The following FXR2 variants were observed in gnomAD, a reference collection of about 807,000 sequenced individuals.
The protein encoded by FXR2 is FMR1 autosomal homolog 2.
FXR2 carries 9 observed loss-of-function variants against 87.3 expected under a neutral mutation model. The observed-to-expected ratio is 0.10, with a 90% CI of 0.06 to 0.18. The LOEUF (loss-of-function observed/expected upper bound fraction) is 0.18. Ranked by LOEUF, FXR2 falls within the 10% of genes least tolerant of loss-of-function variation. FXR2 has a pLI of 1.00. For missense variants in FXR2, 661 were observed against 893.6 expected (o/e 0.74, Z 3.32); for synonymous variants, 331 against 328.3 (o/e 1.01, Z -0.09).
chr17:7,614,145 T>C, intron 1 of FXR2: 1 of 602,892 alleles, frequency 1.7e-6, no homozygotes, highest in South Asian at 1.5e-5. Flanking sequence ...ACACAGTCAA[T>C]TAGAAGCTGG....
In FXR2 at chr17:7,591,836, A is replaced by G. The variant is rs781511090; in HGVS notation, c.2016T>C (p.Val672=). 1 of 1,536,472 alleles carries G rather than the reference A, an allele frequency of 6.5e-7. No homozygotes were observed. The highest frequency in any genetic ancestry group is 2.2e-5 in the East Asian group (1 of 44,504). Residue 672 remains valine (V), a synonymous_variant, in exon 17 of 17, where the codon GTT becomes GTC. Transcript: ENST00000250113. The surrounding 1 kb of genome is among the most constrained non-coding windows in gnomAD (Gnocchi z 4.0). ...PLELGSMVNG[V]S ...GGGGTGCAGGTTGGAGGTTTTATGA[A>G]ACCCCATTCACCATACTACCCAACT...
intron 1 of FXR2, among the ~76,000 whole-genome samples, chr17:7,611,581 T>C (rs1264617124): frequency 6.6e-6 from 1 of 151,750 alleles, no homozygotes; most frequent in African/African-American, 2.4e-5. Context: ...GGCACAAGAA[T>C]CACTTGAACC....
Position 7,593,018 on chromosome 17 carries a change from G to A in FXR2, c.1494C>T (p.Pro498=), listed in dbSNP as rs1392721162. The change falls in exon 13 of 17, where the codon CCC becomes CCT. Residue 498 remains proline (P), a synonymous_variant. Transcript: ENST00000250113. This position sits in a 1 kb window ranked among gnomAD's most constrained non-coding sequence, Gnocchi z 6.1. ...RGRGPPPAPR[P]TSRYNSSSIS... is the part of the protein sequence containing the mutation. ...TAGATGAAGAATTGTATCTCGAAGT[G>A]GGCCGGGGGGCAGGTGGGGGTCCCC... 11 of 1,575,888 alleles carry A rather than the reference G, an allele frequency of 7.0e-6. No individual in the cohort carries two copies. The highest frequency in any genetic ancestry group is 8.6e-6 in the Non-Finnish European group (10 of 1,163,924).
rs1254746132 is a variant in FXR2 at position 7,591,765 on chromosome 17, C to A, written c.*65G>T. 4 of 907,760 alleles carry A rather than the reference C, an allele frequency of 4.4e-6. No homozygotes were observed. The highest frequency in any genetic ancestry group is 5.5e-6 in the Non-Finnish European group (3 of 544,090). 56.2% of individuals were successfully genotyped at this position (907,760 alleles called of 1,614,324 possible). ...GCAGCTCCAGCGCAGGTCAGTTGGG[C>A]CTGTGAGGGCCATGGTGTTGGGCAG... is the stretch of plus-strand genomic sequence containing the variant. On this transcript the variant is annotated 3_prime_UTR_variant, in exon 17 of 17. Transcript: ENST00000250113. The surrounding 1 kb of genome is among the most constrained non-coding windows in gnomAD (Gnocchi z 4.0).
At chr17:7,602,567 C>CA (rs59331217) in intron 6 of FXR2, among the ~76,000 whole-genome samples, 6,523 of 123,390 alleles carry the variant, frequency 0.053, 456 homozygotes, top group African/African-American at 0.18. Context: ...GATTCCATCT[C>CA]AAAAAAAAAA....
At chr17:7,602,112 G>A (rs2071761686) in intron 6 of FXR2, among the ~76,000 whole-genome samples, 1 of 150,892 alleles carries the variant, frequency 6.6e-6, no homozygotes, top group African/African-American at 2.4e-5. Context: ...ATGGCAACAT[G>A]ATTATCAGGT....
Position 7,594,353 on chromosome 17 carries a change from A to G in FXR2, c.911-6T>C, listed in dbSNP as rs2071691070. On this transcript the variant is annotated splice_region_variant and splice_polypyrimidine_tract_variant and intron_variant, in intron 9 of 16. Coordinates refer to ENST00000250113, the MANE Select transcript of FXR2 (RefSeq NM_004860.4). The surrounding 1 kb of genome is among the most constrained non-coding windows in gnomAD (Gnocchi z 5.1). The stretch of plus-strand genomic sequence containing the variant: ...GTTCTTTCCAATCACTTTGCCTGGA[A>G]TAGGTAAATGAGGAATTCAGCCTTT... 6.4e-7 allele frequency: 1 copy of G among 1,550,402 alleles called. No individual in the cohort carries two copies. Among genetic ancestry groups the G allele is most frequent in the Admixed American group, 1.7e-5 (1 of 59,798 alleles).
At chr17:7,611,856 T>C (rs539511787) in intron 1 of FXR2, among the ~76,000 whole-genome samples, 2 of 152,248 alleles carry the variant, frequency 1.3e-5, no homozygotes, top group South Asian at 2.1e-4. Context: ...ATCTGTAGGG[T>C]ACTGAGAGTG....
In FXR2 at chr17:7,595,315, A is replaced by G. The variant is rs763740907; in HGVS notation, c.831+509T>C. ...ATTTTTTGGTCTCACTCTATTGACTATGTTGCCCAGGTTGGTTCAGTGGCA... is the reference window on the plus strand; with the variant it reads ...ATTTTTTGGTCTCACTCTATTGACTGTGTTGCCCAGGTTGGTTCAGTGGCA... On this transcript the variant is annotated intron_variant, in intron 8 of 16. Transcript: ENST00000250113. This position sits in a 1 kb window ranked among gnomAD's most constrained non-coding sequence, Gnocchi z 4.7. 5.3e-5 allele frequency among the ~76,000 whole-genome samples: 8 copies of G among 151,962 alleles called. No homozygotes were observed. Among genetic ancestry groups the G allele is most frequent in the Admixed American group, 1.3e-4 (2 of 15,242 alleles).
intron 7 of FXR2, among the ~76,000 whole-genome samples, chr17:7,599,201 A>T (rs750825222): frequency 6.6e-6 from 1 of 151,552 alleles, no homozygotes; most frequent in Non-Finnish European, 1.5e-5. Context: ...CCAAAGGCTG[A>T]GGTGAGAGGA....
At position 7,592,235 on chromosome 17, in the gene FXR2, G is replaced by A. The variant is rs768614135; in HGVS notation, c.1926+19C>T. ...AACAACAAAAAAGGGATGGGGTAAA[G>A]CACATCTTGCCTGCCTACCTTCTGT... On this transcript the variant is annotated intron_variant, in intron 16 of 16. Transcript: ENST00000250113. The surrounding 1 kb of genome is among the most constrained non-coding windows in gnomAD (Gnocchi z 4.8). 4 of 1,578,344 alleles carry A rather than the reference G, an allele frequency of 2.5e-6. No individual in the cohort carries two copies. The highest frequency in any genetic ancestry group is 1.7e-5 in the Admixed American group (1 of 59,784).
Position 7,593,667 on chromosome 17 carries a change from A to T in FXR2, c.1108-42T>A. On this transcript the variant is annotated intron_variant, in intron 11 of 16. Transcript: ENST00000250113. This position sits in a 1 kb window ranked among gnomAD's most constrained non-coding sequence, Gnocchi z 6.1. ...TGGAAGAAGGGGAAGGAGAAATAAG[A>T]TCAGTGCCTTGCTTCATGCTTCTGC... 7.4e-7 allele frequency: 1 copy of T among 1,344,030 alleles called. No individual in the cohort carries two copies. The highest frequency in any genetic ancestry group is 1.0e-6 in the Non-Finnish European group (1 of 962,430). The allele number at this position is 1,344,030 out of a possible 1,614,324, so 83.3% of individuals were successfully genotyped here.
At position 7,614,536 on chromosome 17, in the gene FXR2, G is replaced by T; in HGVS notation, c.-4C>A. 1 of 1,472,118 alleles carries T rather than the reference G, an allele frequency of 6.8e-7. No homozygotes were observed. 91.2% of individuals were successfully genotyped at this position (1,472,118 alleles called of 1,614,324 possible). A position where few individuals can be genotyped will look rare whatever the true frequency, so the allele number is the denominator to read the frequency against. ...CCCCAGAGGCCAGGCCGCCCATGGC[G>T]CCGCCACCGCCTCCGACTCCCCCGG... On this transcript the variant is annotated 5_prime_UTR_variant, in exon 1 of 17. Coordinates refer to ENST00000250113, the MANE Select transcript of FXR2 (RefSeq NM_004860.4).
In FXR2 at chr17:7,592,328, C is replaced by T. The variant is rs2071669259; in HGVS notation, c.1852G>A (p.Ala618Thr). Residue 618 changes from alanine to threonine, a missense_variant, in exon 16 of 17, where the codon GCA becomes ACA. Ala to Thr is a moderately conservative substitution (Grantham distance 58, BLOSUM62 0). Coordinates refer to ENST00000250113, the MANE Select transcript of FXR2 (RefSeq NM_004860.4). The surrounding 1 kb of genome is among the most constrained non-coding windows in gnomAD (Gnocchi z 4.8). Reference sequence around the variant, plus strand: ...GGCCTCTGGCGGCTCTGAGACTCTGCTCGTGAGATATAGTCAGCCACAGTC... The same window carrying T: ...GGCCTCTGGCGGCTCTGAGACTCTGTTCGTGAGATATAGTCAGCCACAGTC... ...PVTVADYISRAESQSRQRPPL... is the reference protein window; with the variant it reads ...PVTVADYISRTESQSRQRPPL... 2.5e-6 allele frequency: 4 copies of T among 1,612,926 alleles called. No homozygotes were observed. The highest frequency in any genetic ancestry group is 3.4e-6 in the Non-Finnish European group (4 of 1,178,950).
rs772136833 is a variant in FXR2, at chr17:7,592,540, G to T, written c.1789C>A (p.Arg597=). ...RSRRRRNRGN[R]TDGSISGDRQ... ...TCTCCACTGATAGAGCCATCAGTCC[G>T]ATTACCACGGTTACGGCGGCGGCGG... The change falls in exon 15 of 17, where the codon CGG becomes AGG. Residue 597 remains arginine (R), a synonymous_variant. Transcript: ENST00000250113. This position sits in a 1 kb window ranked among gnomAD's most constrained non-coding sequence, Gnocchi z 4.8. 1 of 1,613,952 alleles carries T rather than the reference G, an allele frequency of 6.2e-7. No individual in the cohort carries two copies. The highest frequency in any genetic ancestry group is 2.2e-5 in the East Asian group (1 of 44,884).
rs769201679 is a variant in FXR2 at position 7,592,474 on chromosome 17, G to A, written c.1825+30C>T. 9 of 1,598,906 alleles carry A rather than the reference G, an allele frequency of 5.6e-6. No homozygotes were observed. The highest frequency in any genetic ancestry group is 7.7e-6 in the Non-Finnish European group (9 of 1,166,170). On this transcript the variant is annotated intron_variant, in intron 15 of 16. Coordinates refer to ENST00000250113, the MANE Select transcript of FXR2 (RefSeq NM_004860.4). This position sits in a 1 kb window ranked among gnomAD's most constrained non-coding sequence, Gnocchi z 4.8. ...AGCATCCCATTCTCTCAGCTCTGAG[G>A]AAGGATTCTGGTGTCCAGAGTTGGC... is the stretch of plus-strand genomic sequence containing the variant.
chr17:7,614,030 G>T, intron 1 of FXR2: 2 of 461,084 alleles, frequency 4.3e-6, no homozygotes, highest in Non-Finnish European at 8.6e-6. Context: ...ACGGGACAGA[G>T]GGCCTTCCCA....
intron 1 of FXR2, among the ~76,000 whole-genome samples, chr17:7,607,279 T>C (rs1415269079): frequency 2.7e-5 from 4 of 150,000 alleles, no homozygotes; most frequent in African/African-American, 4.9e-5. Context: ...GATCATGCCA[T>C]TGCACTCCAG....
intron 7 of FXR2, among the ~76,000 whole-genome samples, chr17:7,601,052 G>A (rs1286314701): frequency 7.9e-5 from 12 of 152,084 alleles, no homozygotes; most frequent in East Asian, 1.9e-4. Context: ...GGTGGCGCAC[G>A]CCTGTAATCC....
Sources: allele counts gnomAD v4.1 joint callset (sites outside exome capture counted in the v4.1 genomes callset), GRCh38; gene constraint gnomAD v4.1.1; non-coding constraint Gnocchi (gnomAD v3.1); transcripts MANE v1.5; gene names NCBI Gene and HGNC (gene_info 2026-07-23, HGNC 2026-07-21).